The following ALK variants were observed in gnomAD, a reference collection of about 807,000 sequenced individuals.
ALK encodes ALK tyrosine kinase receptor.
A neutral mutation model predicts 163.1 loss-of-function variants in ALK; 74 were observed. That is an observed-to-expected ratio of 0.45 (90% confidence interval 0.38 to 0.55). The LOEUF (loss-of-function observed/expected upper bound fraction) is 0.55, where lower values mean the gene tolerates loss of function less well. ALK is among the 20% of genes least tolerant of loss of function. The pLI is 0.00. For synonymous variants in ALK, 960 were observed against 843.2 expected, an observed-to-expected ratio of 1.14 and a Z score of -2.40; for missense variants, 2,063 against 2,105.3, an observed-to-expected ratio of 0.98 and a Z score of 0.39.
intron 4 of ALK, 39 bp from the exon 5 acceptor site, chr2:29,383,898 A>G (rs2148301883): frequency 6.2e-7 from 1 of 1,613,512 alleles, no homozygotes; most frequent in Non-Finnish European, 8.5e-7. Context: ...AGCATAGAGA[A>G]ACAGATATGA....
chr2:29,265,284 C>T lies in ALK; in HGVS notation c.2041+9815G>A, dbSNP rs536059484. 2.0e-5 allele frequency among the ~76,000 whole-genome samples: 3 copies of T among 152,234 alleles called. No individual in the cohort carries two copies. The South Asian group carries it at 6.2e-4, about 32-fold the overall frequency. On this transcript the variant is annotated intron_variant, in intron 11 of 28. Transcript: ENST00000389048. ...CTGCCCACCTTGGCTTCCCAAAGTG[C>T]TGGGATTACAGGCATGAGCCACTGT...
intron 1 of ALK, among the ~76,000 whole-genome samples, chr2:29,780,100 G>A (rs1207944367): frequency 6.6e-6 from 1 of 152,150 alleles, no homozygotes; most frequent in African/African-American, 2.4e-5. Flanking sequence ...TCTCAAAAAC[G>A]CAGACTGAAG....
At chr2:29,367,153 C>T (rs932828238) in intron 5 of ALK, among the ~76,000 whole-genome samples, 1 of 152,104 alleles carries the variant, frequency 6.6e-6, no homozygotes, top group Non-Finnish European at 1.5e-5. Flanking sequence ...TGTGTGCATC[C>T]AGTATGTGCC....
chr2:29,265,469 T>C (rs1438644341), intron 11 of ALK, among the ~76,000 whole-genome samples: 1 of 152,170 alleles, frequency 6.6e-6, no homozygotes, highest in Non-Finnish European at 1.5e-5. Context: ...GGGAAAGAAA[T>C]AGTCCTCTTT....
chr2:29,791,586 C>T (rs545840938), intron 1 of ALK, among the ~76,000 whole-genome samples: 20 of 152,064 alleles, frequency 1.3e-4, no homozygotes, highest in African/African-American at 4.3e-4. Context: ...ATGTAACAAA[C>T]CTGCACATTC....
chr2:29,682,097 T>C (rs1405921562), intron 3 of ALK, among the ~76,000 whole-genome samples: 1 of 152,224 alleles, frequency 6.6e-6, no homozygotes, highest in Non-Finnish European at 1.5e-5. Flanking sequence ...TCAGCCAATC[T>C]TGCTGGTTCT....
chr2:29,501,789 T>A (rs1672195509), intron 4 of ALK, among the ~76,000 whole-genome samples: 1 of 152,194 alleles, frequency 6.6e-6, no homozygotes, highest in South Asian at 2.1e-4. Flanking sequence ...CTGCCATCCA[T>A]CTCTAGAACA....
chr2:29,463,047 C>T (rs946650020), intron 4 of ALK, among the ~76,000 whole-genome samples: 1 of 152,132 alleles, frequency 6.6e-6, no homozygotes, highest in Non-Finnish European at 1.5e-5. Context: ...ATTGTATAAT[C>T]AAAGTAGTCT....
intron 19 of ALK, among the ~76,000 whole-genome samples, chr2:29,224,149 G>C (rs1481777551): frequency 2.6e-5 from 4 of 152,340 alleles, no homozygotes; most frequent in African/African-American, 2.4e-5. Context: ...GGATTTGAGG[G>C]TGCAGCTGGG....
chr2:29,788,344 G>C (rs1237411957), intron 1 of ALK, among the ~76,000 whole-genome samples: 1 of 152,196 alleles, frequency 6.6e-6, no homozygotes, highest in East Asian at 1.9e-4. Context: ...GACATTCCTT[G>C]TCAGAGAAGG....
intron 1 of ALK, among the ~76,000 whole-genome samples, chr2:29,903,117 T>G (rs570865855): frequency 6.6e-6 from 1 of 152,318 alleles, no homozygotes; most frequent in East Asian, 1.9e-4. Flanking sequence ...ACTTTAAGTC[T>G]TTAAAGTCAG....
At chr2:29,251,550 C>A (rs1292213873) in intron 11 of ALK, among the ~76,000 whole-genome samples, 1 of 152,176 alleles carries the variant, frequency 6.6e-6, no homozygotes, top group East Asian at 1.9e-4. Context: ...CAAAGGGAGG[C>A]CAGGACAGCA....
chr2:29,290,888 T>C (rs979084785), intron 9 of ALK, among the ~76,000 whole-genome samples: 3 of 152,118 alleles, frequency 2.0e-5, no homozygotes, highest in Admixed American at 2.0e-4. Flanking sequence ...GCTGTGAGCC[T>C]GAGAGGAGAG....
At chr2:29,277,320 G>C (rs1049257628) in intron 9 of ALK, among the ~76,000 whole-genome samples, 1 of 152,250 alleles carries the variant, frequency 6.6e-6, no homozygotes, top group African/African-American at 2.4e-5. Context: ...TCTGATCAAC[G>C]TGTAGAAGAT....
rs1668948533 is a variant in ALK at position 29,193,750 on chromosome 2, G to A, written c.4337C>T (p.Thr1446Ile). The A allele has an allele frequency of 6.3e-7, 1 of 1,598,190 alleles. No homozygotes were observed. The highest frequency in any genetic ancestry group is 8.5e-7 in the Non-Finnish European group (1 of 1,171,104). The change falls in exon 29 of 29, where the codon ACC becomes ATC. Residue 1446 changes from threonine (T) to isoleucine (I), a missense_variant. Thr to Ile is a moderately conservative substitution (Grantham distance 89). Transcript: ENST00000389048. ...CTTTGCAGCCTTGCCAGAGGAGGTG[G>A]TAGGCAGAGGTGGTGGGGCAGCTGG... is the stretch of plus-strand genomic sequence containing the variant. ...RSPAAPPPLP[T>I]TSSGKAAKKP...
At chr2:29,793,872 G>T (rs1198270406) in intron 1 of ALK, among the ~76,000 whole-genome samples, 2 of 152,274 alleles carry the variant, frequency 1.3e-5, no homozygotes, top group East Asian at 3.9e-4. Context: ...AGTAGATTTA[G>T]CATAATTTTA....
chr2:29,498,088 C>T (rs56096406), intron 4 of ALK, among the ~76,000 whole-genome samples: 66,103 of 152,004 alleles, frequency 0.43, 15,092 homozygotes, highest in Middle Eastern at 0.5. Context: ...AGTAAGTGCA[C>T]ATGGGAGCTG....
At chr2:29,217,763 C>T (rs1490523943) in intron 23 of ALK, among the ~76,000 whole-genome samples, 1 of 152,124 alleles carries the variant, frequency 6.6e-6, no homozygotes, top group African/African-American at 2.4e-5. Flanking sequence ...TCAGGGAACC[C>T]CTGGGAGTAT....
intron 4 of ALK, among the ~76,000 whole-genome samples, chr2:29,431,688 TATG>T (rs758732157): frequency 3.3e-5 from 5 of 152,148 alleles, no homozygotes; most frequent in African/African-American, 4.8e-5. Context: ...CTCAGATTTG[TATG>T]ATAACTAGGT....
Sources: gnomAD v4.1 joint callset for allele counts (sites outside exome capture counted in the v4.1 genomes callset) on GRCh38, gnomAD v4.1.1 for gene constraint, MANE v1.5 for transcripts, NCBI Gene and HGNC (gene_info 2026-07-23, HGNC 2026-07-21) for gene names.